Variants in NFATC2 observed in about 807,000 individuals in gnomAD.
NFATC2 encodes nuclear factor of activated T-cells, cytoplasmic 2.
NFATC2 carries 22 observed loss-of-function variants against 87.3 expected under a neutral mutation model. The ratio of observed to expected loss-of-function variants is 0.25; its 90% CI spans 0.18 to 0.36. The LOEUF is 0.36. Ranked by LOEUF, NFATC2 falls within the 10% of genes least tolerant of loss-of-function variation. The probability of loss-of-function intolerance (pLI) is 1.00; values close to 1 mark genes in which losing one functional copy is unlikely to be tolerated. For synonymous variants in NFATC2, 565 were observed against 542.2 expected (o/e 1.04, Z -0.58); for missense variants, 1,149 against 1,259.1 (o/e 0.91, Z 1.32).
chr20:51,395,997 C>T (rs1483324723), intron 10 of NFATC2, among the ~76,000 whole-genome samples: 1 of 137,108 alleles, frequency 7.3e-6, no homozygotes, highest in Non-Finnish European at 1.6e-5. Context: ...GGCTGGGGGC[C>T]AGGATTGACC....
chr20:51,531,729 C>G (rs73277971), intron 1 of NFATC2, among the ~76,000 whole-genome samples: 141 of 152,318 alleles, frequency 9.3e-4, no homozygotes, highest in African/African-American at 3.3e-3. Context: ...CACACAGAAT[C>G]AATACCCAGT....
chr20:51,562,804 G>C (rs1298382733), upstream of NFATC2: 3 of 565,808 alleles, frequency 5.3e-6, no homozygotes, highest in Admixed American at 9.4e-5. This position sits in a 1 kb window ranked among gnomAD's most constrained non-coding sequence, Gnocchi z 5.8. Flanking sequence ...CGGAGTCGGC[G>C]CGGCTCCGCG....
At chr20:51,490,981 G>A (rs1285812330) in intron 3 of NFATC2, among the ~76,000 whole-genome samples, 1 of 152,110 alleles carries the variant, frequency 6.6e-6, no homozygotes, top group Non-Finnish European at 1.5e-5. Context: ...AGATCATCAA[G>A]GGATGATTAA....
chr20:51,422,569 C>CT (rs5841843), intron 9 of NFATC2, among the ~76,000 whole-genome samples: 120,668 of 140,994 alleles, frequency 0.86, 51,755 homozygotes, highest in East Asian at 0.93. Context: ...GAAAACCCCT[C>CT]TTTTTTTTTT....
chr20:51,553,435 G>C (rs1258041003), intron 1 of NFATC2, among the ~76,000 whole-genome samples: 1 of 152,066 alleles, frequency 6.6e-6, no homozygotes, highest in Non-Finnish European at 1.5e-5. Flanking sequence ...CAGCACTTTG[G>C]GAGGCCGAGG....
intron 2 of NFATC2, among the ~76,000 whole-genome samples, chr20:51,518,889 C>T (rs1437511248): frequency 1.3e-5 from 2 of 152,020 alleles, no homozygotes; most frequent in African/African-American, 2.4e-5. Context: ...TAGCCTCAAA[C>T]TCCTGGGCTC....
chr20:51,487,383 A>T (rs568262851), intron 3 of NFATC2, among the ~76,000 whole-genome samples: 2 of 152,334 alleles, frequency 1.3e-5, no homozygotes, highest in East Asian at 3.9e-4. Flanking sequence ...TAATGCATGC[A>T]GGGCTTAATA....
At chr20:51,454,759 A>C in intron 5 of NFATC2, 71 bp from the exon 6 acceptor site, 2 of 1,559,464 alleles carry the variant, frequency 1.3e-6, no homozygotes, top group Non-Finnish European at 1.7e-6. Context: ...GTCTGATTTC[A>C]TGGTACTGAG....
intron 3 of NFATC2, among the ~76,000 whole-genome samples, chr20:51,506,050 A>G (rs1443308067): frequency 6.6e-6 from 1 of 152,228 alleles, no homozygotes; most frequent in Non-Finnish European, 1.5e-5. Flanking sequence ...CCTGGGAGGC[A>G]GGCATTCGTC....
rs554462651 is a variant in NFATC2 at position 51,409,612 on chromosome 20, C to T, written c.2723-10882G>A. ...CCACCTGCCTCCTGACGGAGGAACA[C>T]GCCACACCGATGGGACAGTCTTGCC... On this transcript the variant is annotated intron_variant, in intron 9 of 10. Coordinates refer to ENST00000371564, the MANE Select transcript of NFATC2 (RefSeq NM_012340.5). Among the ~76,000 whole-genome samples, 12 of 152,270 alleles carry T rather than the reference C, an allele frequency of 7.9e-5. No homozygotes were observed. The East Asian group carries it at 1.6e-3, about 20-fold the overall frequency.
chr20:51,436,416 G>T (rs550360340), intron 6 of NFATC2, among the ~76,000 whole-genome samples: 99 of 144,328 alleles, frequency 6.9e-4, no homozygotes, highest in African/African-American at 2.5e-3. Flanking sequence ...TTTTAAAAAG[G>T]CATTATTAAG....
intron 3 of NFATC2, among the ~76,000 whole-genome samples, chr20:51,486,794 G>A (rs1171478185): frequency 3.3e-5 from 5 of 152,046 alleles, no homozygotes; most frequent in African/African-American, 1.2e-4. Flanking sequence ...TTCATGTCTG[G>A]AACAGAATCC....
At chr20:51,491,867 CACATACACAT>C (rs1358795932) in intron 3 of NFATC2, among the ~76,000 whole-genome samples, 42 of 68,640 alleles carry the variant, frequency 6.1e-4, no homozygotes, top group African/African-American at 2.3e-3. Flanking sequence ...CACCAACACA[CACATACACAT>C]ACACACACAC....
chr20:51,475,742 A>G, intron 3 of NFATC2, 82 bp from the exon 4 acceptor site: 1 of 1,365,334 alleles, frequency 7.3e-7, no homozygotes, highest in Non-Finnish European at 1.0e-6. Flanking sequence ...CAGAGAGCTC[A>G]TGGGCAGTAG....
Position 51,435,614 on chromosome 20 carries a change from C to T in NFATC2, c.1905+92G>A, listed in dbSNP as rs913086574. On this transcript the variant is annotated intron_variant, in intron 7 of 10. Coordinates refer to ENST00000371564, the MANE Select transcript of NFATC2 (RefSeq NM_012340.5). ...CTGTTAGGTCCAGAGCTCTGGGGGA[C>T]ACTGATGAAGGAAGGAGGGAAAGAA... is the stretch of plus-strand genomic sequence containing the variant. 20 of 1,365,342 alleles carry T rather than the reference C, an allele frequency of 1.5e-5. No homozygotes were observed. In the South Asian group the frequency reaches 1.6e-4, roughly 11 times the overall value. The allele number at this position is 1,365,342 out of a possible 1,614,324, so 84.6% of individuals were successfully genotyped here. A position where few individuals can be genotyped will look rare whatever the true frequency, so the allele number is the denominator to read the frequency against.
chr20:51,562,455 C>T lies in NFATC2; in HGVS notation c.70+105G>A. ...GCGAGCGGGGTCCCCAGGCCTCCCGCACCGACCTCTGCCGGGAGCTGAAAG... is the reference window on the plus strand; with the variant it reads ...GCGAGCGGGGTCCCCAGGCCTCCCGTACCGACCTCTGCCGGGAGCTGAAAG... On this transcript the variant is annotated intron_variant, in intron 1 of 10. Transcript: ENST00000414705. The surrounding 1 kb of genome is among the most constrained non-coding windows in gnomAD (Gnocchi z 5.8). 1 of 1,081,328 alleles carries T rather than the reference C, an allele frequency of 9.2e-7. No homozygotes were observed. The highest frequency in any genetic ancestry group is 1.3e-6 in the Non-Finnish European group (1 of 741,512). The allele number at this position is 1,081,328 out of a possible 1,614,324, so 67.0% of individuals were successfully genotyped here.
At chr20:51,496,773 T>A (rs2075995354) in intron 3 of NFATC2, among the ~76,000 whole-genome samples, 1 of 152,206 alleles carries the variant, frequency 6.6e-6, no homozygotes, top group Non-Finnish European at 1.5e-5. Context: ...TTTCCTGCTA[T>A]TCTTTGTTCA....
intron 3 of NFATC2, among the ~76,000 whole-genome samples, chr20:51,484,679 G>A (rs1209944249): frequency 6.6e-6 from 1 of 152,174 alleles, no homozygotes; most frequent in Admixed American, 6.5e-5. Context: ...TTCTCCTCCC[G>A]GCCCACAGCG....
chr20:51,553,019 A>G (rs1055374311), intron 1 of NFATC2, among the ~76,000 whole-genome samples: 2 of 151,772 alleles, frequency 1.3e-5, no homozygotes, highest in Non-Finnish European at 1.5e-5. Context: ...CCCTGTGTCC[A>G]TGTCGAACTA....
Sources: allele counts gnomAD v4.1 joint callset (sites outside exome capture counted in the v4.1 genomes callset), GRCh38; gene constraint gnomAD v4.1.1; non-coding constraint Gnocchi (gnomAD v3.1); transcripts MANE v1.5; gene names NCBI Gene and HGNC (gene_info 2026-07-23, HGNC 2026-07-21).